Variants in TCF7L1 observed in about 807,000 individuals in gnomAD.
The protein encoded by TCF7L1 is transcription factor 7 like 1.
In TCF7L1, 18 loss-of-function variants were observed where a neutral mutation model predicts 63.7. The ratio of observed to expected loss-of-function variants is 0.28; its 90% CI spans 0.20 to 0.42. The LOEUF (loss-of-function observed/expected upper bound fraction) is 0.42. Ranked by LOEUF, TCF7L1 falls within the 10% of genes least tolerant of loss-of-function variation. The probability of loss-of-function intolerance (pLI) is 1.00; values close to 1 mark genes in which losing one functional copy is unlikely to be tolerated. For missense variants in TCF7L1, 654 were observed against 779.3 expected (o/e 0.84, Z 1.91); for synonymous variants, 355 against 340.9 (o/e 1.04, Z -0.46).
chr2:85,138,397 T>G (rs1289630607), intron 3 of TCF7L1, among the ~76,000 whole-genome samples: 2 of 152,264 alleles, frequency 1.3e-5, no homozygotes, highest in Non-Finnish European at 2.9e-5. Flanking sequence ...TTAGGAGTTG[T>G]ATGTAAAAGC....
chr2:85,202,701 T>C (rs1679297867), intron 3 of TCF7L1, among the ~76,000 whole-genome samples: 1 of 152,208 alleles, frequency 6.6e-6, no homozygotes, highest in Non-Finnish European at 1.5e-5. Context: ...CATATTAGAA[T>C]ATTAGAGCAG....
intron 3 of TCF7L1, among the ~76,000 whole-genome samples, chr2:85,165,773 G>A (rs535997752): frequency 1.3e-5 from 2 of 152,284 alleles, no homozygotes; most frequent in South Asian, 4.1e-4. Context: ...ATAGACTTAG[G>A]TTGCAAAAAT....
At chr2:85,308,987 C>G (rs761684584) in intron 11 of TCF7L1, 42 bp from the exon 12 acceptor site, 14 of 1,528,650 alleles carry the variant, frequency 9.2e-6, no homozygotes, top group Non-Finnish European at 8.8e-7. Flanking sequence ...CCTCCTCTCA[C>G]AGAGCTATAG....
intron 3 of TCF7L1, among the ~76,000 whole-genome samples, chr2:85,222,358 AACAAAC>A (rs1484741380): frequency 3.5e-5 from 5 of 142,224 alleles, no homozygotes; most frequent in Non-Finnish European, 7.9e-5. Flanking sequence ...AAAACAAACA[AACAAAC>A]AAAAAAAAAA....
chr2:85,277,358 G>A (rs1345384851), intron 3 of TCF7L1, among the ~76,000 whole-genome samples: 1 of 152,174 alleles, frequency 6.6e-6, no homozygotes, highest in East Asian at 1.9e-4. Context: ...AAGAGGACAA[G>A]GAGAGCATTT....
intron 3 of TCF7L1, among the ~76,000 whole-genome samples, chr2:85,180,880 A>C (rs1415191817): frequency 6.6e-6 from 1 of 152,240 alleles, no homozygotes; most frequent in Non-Finnish European, 1.5e-5. Context: ...GCAAATAGCA[A>C]GTAGCTAGAC....
intron 6 of TCF7L1, 98 bp from the exon 7 acceptor site, chr2:85,304,157 G>T (rs957980158): frequency 7.3e-7 from 1 of 1,373,604 alleles, no homozygotes; most frequent in Admixed American, 1.8e-5. Flanking sequence ...TTACCTTCCC[G>T]CTTCCTTCCC....
intron 3 of TCF7L1, among the ~76,000 whole-genome samples, chr2:85,184,081 GT>G (rs1678861398): frequency 6.6e-6 from 1 of 152,194 alleles, no homozygotes; most frequent in Non-Finnish European, 1.5e-5. Context: ...GTGGAGTGAG[GT>G]TGTTTTTTGT....
chr2:85,224,409 T>A (rs894738437), intron 3 of TCF7L1, among the ~76,000 whole-genome samples: 5 of 152,226 alleles, frequency 3.3e-5, no homozygotes, highest in Non-Finnish European at 7.3e-5. Flanking sequence ...CCACCAACAA[T>A]GTAAAAGTGT....
intron 3 of TCF7L1, among the ~76,000 whole-genome samples, chr2:85,163,041 C>T (rs1165703974): frequency 3.3e-5 from 5 of 152,140 alleles, no homozygotes; most frequent in African/African-American, 4.8e-5. Context: ...AATGCACTCT[C>T]GCCGGATTCT....
intron 3 of TCF7L1, among the ~76,000 whole-genome samples, chr2:85,219,667 C>T (rs1358837118): frequency 3.3e-5 from 5 of 151,970 alleles, no homozygotes; most frequent in African/African-American, 1.2e-4. Context: ...ATCACTTGAA[C>T]CCAGGAGTTT....
intron 3 of TCF7L1, among the ~76,000 whole-genome samples, chr2:85,188,868 G>A (rs974350891): frequency 5.9e-5 from 9 of 152,240 alleles, no homozygotes; most frequent in African/African-American, 1.9e-4. Context: ...TACTAACTCC[G>A]GGTTGGGAAG....
At chr2:85,301,897 G>A (rs190424125) in intron 4 of TCF7L1, among the ~76,000 whole-genome samples, 1 of 152,268 alleles carries the variant, frequency 6.6e-6, no homozygotes, top group East Asian at 1.9e-4. Context: ...AGGCCGAGGC[G>A]GGTGGATCAC....
intron 3 of TCF7L1, among the ~76,000 whole-genome samples, chr2:85,214,756 TC>T (rs1371006622): frequency 6.6e-6 from 1 of 152,134 alleles, no homozygotes; most frequent in Non-Finnish European, 1.5e-5. Flanking sequence ...TAACAGGGGC[TC>T]CCCGAGTTTT....
chr2:85,245,843 A>C (rs1680451852), intron 3 of TCF7L1, among the ~76,000 whole-genome samples: 1 of 151,944 alleles, frequency 6.6e-6, no homozygotes. Flanking sequence ...TAAAAAAAAA[A>C]AAAAACAGAC....
intron 3 of TCF7L1, chr2:85,186,461 T>G (rs143886372): frequency 6.6e-6 from 1 of 152,264 alleles, no homozygotes; most frequent in Non-Finnish European, 1.5e-5. Flanking sequence ...GCATTTAAAT[T>G]TTCACTCCTG....
intron 3 of TCF7L1, among the ~76,000 whole-genome samples, chr2:85,254,123 G>T (rs1680651193): frequency 6.6e-6 from 1 of 152,244 alleles, no homozygotes; most frequent in Admixed American, 6.5e-5. Flanking sequence ...TGCCTTATTT[G>T]AGGCTGCTCT....
chr2:85,221,667 A>G (rs745984918), intron 3 of TCF7L1, among the ~76,000 whole-genome samples: 31 of 152,216 alleles, frequency 2.0e-4, no homozygotes, highest in Non-Finnish European at 3.7e-4. Context: ...TACATTTATG[A>G]GGGCACAGCC....
chr2:85,261,029 C>T (rs1680845597), intron 3 of TCF7L1, among the ~76,000 whole-genome samples: 2 of 152,052 alleles, frequency 1.3e-5, no homozygotes, highest in South Asian at 4.1e-4. Context: ...TCTGCCATTT[C>T]TCATTAGTAT....
Sources: gnomAD v4.1 joint callset for allele counts (sites outside exome capture counted in the v4.1 genomes callset) on GRCh38, gnomAD v4.1.1 for gene constraint, MANE v1.5 for transcripts, NCBI Gene and HGNC (gene_info 2026-07-23, HGNC 2026-07-21) for gene names.